POLK: variants seen among roughly 807,000 people sequenced by gnomAD.
The protein encoded by POLK is polymerase (DNA directed) kappa.
Under a neutral mutation model 94.0 loss-of-function variants are expected in POLK, and 76 were observed. The ratio of observed to expected loss-of-function variants is 0.81; its 90% CI spans 0.67 to 0.98. The LOEUF is 0.98. Ranked by LOEUF, POLK falls within the 50% of genes least tolerant of loss-of-function variation. The pLI is 0.00. For synonymous variants in POLK, 349 were observed against 325.4 expected, an observed-to-expected ratio of 1.07 and a Z score of -0.78; for missense variants, 954 against 1,010.1, an observed-to-expected ratio of 0.94 and a Z score of 0.75.
At chr5:75,593,720 G>A (rs1241702487) in intron 11 of POLK, among the ~76,000 whole-genome samples, 158 bp from the exon 12 acceptor site, 1 of 152,156 alleles carries the variant, frequency 6.6e-6, no homozygotes, top group African/African-American at 2.4e-5. Flanking sequence ...GCACGCACTT[G>A]TAATCTTAGC....
intron 11 of POLK, among the ~76,000 whole-genome samples, chr5:75,593,653 G>T (rs944336141): frequency 1.6e-4 from 25 of 151,978 alleles, no homozygotes; most frequent in African/African-American, 5.6e-4. Context: ...AGACTAGCCT[G>T]GGTAACATAG....
intron 1 of POLK, among the ~76,000 whole-genome samples, chr5:75,527,992 T>C (rs1173406454): frequency 1.3e-5 from 2 of 152,192 alleles, no homozygotes; most frequent in Non-Finnish European, 2.9e-5. Context: ...AGAATATTGG[T>C]ACTCTCAGAC....
chr5:75,576,480 A>G (rs948627185), intron 5 of POLK, among the ~76,000 whole-genome samples: 2 of 152,146 alleles, frequency 1.3e-5, no homozygotes, highest in African/African-American at 4.8e-5. Flanking sequence ...CTACCAGATA[A>G]TGTTTTCTGA....
At chr5:75,535,472 T>C (rs1769394147) in intron 1 of POLK, among the ~76,000 whole-genome samples, 2 of 152,230 alleles carry the variant, frequency 1.3e-5, no homozygotes, top group Admixed American at 6.5e-5. Context: ...TCTCTGCATT[T>C]CCTGAATTTG....
At chr5:75,540,996 C>T (rs1769707918) in intron 1 of POLK, among the ~76,000 whole-genome samples, 1 of 152,098 alleles carries the variant, frequency 6.6e-6, no homozygotes, top group South Asian at 2.1e-4. Context: ...AACTTAAAAA[C>T]TTGGAGGCTC....
intron 1 of POLK, among the ~76,000 whole-genome samples, chr5:75,518,265 T>C (rs765262419): frequency 7.2e-5 from 11 of 152,166 alleles, no homozygotes; most frequent in Non-Finnish European, 8.8e-5. Flanking sequence ...GCCATCAGGT[T>C]CCAGGCTTTT....
rs201573914 is a variant in POLK at position 75,547,050 on chromosome 5, A to C, written c.28A>C (p.Ser10Arg). Residue 10 changes from serine (S) to arginine (R), a missense_variant, in exon 2 of 15, where the codon AGT (serine) becomes CGT (arginine). Transcript: ENST00000241436. ...GGATAGCACAAAGGAGAAGTGTGAC[A>C]GTTACAAAGATGATCTTCTGCTTAG... 13 of 1,532,632 alleles carry C rather than the reference A, an allele frequency of 8.5e-6. No homozygotes were observed. In the East Asian group the frequency reaches 2.9e-4, roughly 34 times the overall value. 94.9% of individuals were successfully genotyped at this position (1,532,632 alleles called of 1,614,324 possible).
At chr5:75,553,931 A>G (rs1770460642) in intron 3 of POLK, among the ~76,000 whole-genome samples, 1 of 152,208 alleles carries the variant, frequency 6.6e-6, no homozygotes, top group Non-Finnish European at 1.5e-5. Flanking sequence ...ATTATCATTT[A>G]GAGACCCAGG....
intron 1 of POLK, among the ~76,000 whole-genome samples, chr5:75,531,345 CAGTATATAGTATATAGCTATAT>C (rs1261853723): frequency 6.7e-6 from 1 of 149,770 alleles, no homozygotes; most frequent in East Asian, 2.0e-4. Context: ...CTATTTACAC[CAGTATATAGTATATAGCTATAT>C]AGTATATAGC....
chr5:75,569,835 C>A (rs1771495387), intron 4 of POLK, among the ~76,000 whole-genome samples: 2 of 152,142 alleles, frequency 1.3e-5, no homozygotes, highest in Non-Finnish European at 1.5e-5. Context: ...GCATTAGATT[C>A]TCATAGGAGT....
intron 1 of POLK, among the ~76,000 whole-genome samples, chr5:75,526,586 T>C (rs938299041): frequency 2.5e-4 from 37 of 148,338 alleles, no homozygotes; most frequent in African/African-American, 8.6e-4. Flanking sequence ...TTTTTTTTTT[T>C]TCTTTTTTTT....
In POLK at chr5:75,558,579, G is replaced by T. The variant is rs561727376; in HGVS notation, c.255+5988G>T. Reference sequence around the variant, plus strand: ...CTTCTAATCAATTCAGTCTTTTCCTGTATCAGTACCATACAGTTTTAGTTA... The same window carrying T: ...CTTCTAATCAATTCAGTCTTTTCCTTTATCAGTACCATACAGTTTTAGTTA... On this transcript the variant is annotated intron_variant, in intron 3 of 14. Coordinates refer to ENST00000241436, the Ensembl canonical transcript of POLK. Among the ~76,000 whole-genome samples, 13 of 151,930 alleles carry T rather than the reference G, an allele frequency of 8.6e-5. No homozygotes were observed. In the East Asian group the frequency reaches 2.5e-3, roughly 29 times the overall value.
intron 1 of POLK, among the ~76,000 whole-genome samples, chr5:75,522,447 T>C (rs187850845): frequency 1.0e-3 from 153 of 152,348 alleles, no homozygotes; most frequent in African/African-American, 3.4e-3. Flanking sequence ...GAAGCCAGCT[T>C]ACTTCTACTT....
At chr5:75,602,446 A>G (rs77751756), downstream of POLK, among the ~76,000 whole-genome samples, 4,110 of 152,318 alleles carry the variant, frequency 0.027, 119 homozygotes, top group South Asian at 0.1. Flanking sequence ...TAGTCAAGGA[A>G]GGGCCAGTAC....
At chr5:75,537,380 G>A (rs997646575) in intron 1 of POLK, among the ~76,000 whole-genome samples, 56 of 152,332 alleles carry the variant, frequency 3.7e-4, no homozygotes, top group African/African-American at 1.3e-3. Flanking sequence ...CACCGTTTGC[G>A]GTGTTGGTTA....
At chr5:75,574,912 A>T (rs1282564753) in intron 5 of POLK, among the ~76,000 whole-genome samples, 1 of 152,244 alleles carries the variant, frequency 6.6e-6, no homozygotes, top group Non-Finnish European at 1.5e-5. Context: ...TAAAAATCCT[A>T]CAAAAGTTTA....
At chr5:75,607,991 T>G in the POLK span, among the ~76,000 whole-genome samples, 1 of 152,166 alleles carries the variant, frequency 6.6e-6, no homozygotes, top group Non-Finnish European at 1.5e-5. Flanking sequence ...ATGGAATCCT[T>G]GAACAGGACC....
At chr5:75,572,031 C>T (rs1258357333) in intron 4 of POLK, among the ~76,000 whole-genome samples, 1 of 152,164 alleles carries the variant, frequency 6.6e-6, no homozygotes, top group African/African-American at 2.4e-5. Flanking sequence ...ATTTGAAAAT[C>T]ATTAGACGAA....
intron 11 of POLK, among the ~76,000 whole-genome samples, chr5:75,592,727 C>G (rs1191556505): frequency 6.7e-6 from 1 of 149,856 alleles, no homozygotes; most frequent in Admixed American, 6.7e-5. Context: ...CAAAAAAATT[C>G]AGTTGGGAAG....
Sources: allele counts gnomAD v4.1 joint callset (sites outside exome capture counted in the v4.1 genomes callset), GRCh38; gene constraint gnomAD v4.1.1; transcripts MANE v1.5; gene names NCBI Gene and HGNC (gene_info 2026-07-23, HGNC 2026-07-21).